Variants in MSANTD1 observed in about 807,000 individuals in gnomAD.
MSANTD1 encodes myb/SANT-like DNA-binding domain-containing protein 1.
A neutral mutation model predicts 24.2 loss-of-function variants in MSANTD1; 7 were observed. That is an observed-to-expected ratio of 0.29 (90% CI 0.16 to 0.54). The LOEUF is 0.54. Ranked by LOEUF, MSANTD1 falls within the 20% of genes least tolerant of loss-of-function variation. The pLI is 0.94. For synonymous variants in MSANTD1, 177 were observed against 181.1 expected (o/e 0.98, Z 0.18); for missense variants, 384 against 408.2 (o/e 0.94, Z 0.51).
chr4:3,253,337 C>A lies in MSANTD1; in HGVS notation c.451C>A (p.Pro151Thr). The A allele has an allele frequency of 6.2e-7, 1 of 1,610,740 alleles. No homozygotes were observed. The highest frequency in any genetic ancestry group is 8.5e-7 in the Non-Finnish European group (1 of 1,178,648). ...ACTGCCGGACAGCCAGCCGCCGGGG[C>A]CCTCCACGTCCCAGACCGAGGCGTC... ...GKLPDSQPPG[P>T]STSQTEASLS... is the part of the protein sequence containing the mutation. The change falls in exon 2 of 3, where the codon CCC becomes ACC. Residue 151 changes from proline to threonine, a missense_variant. Transcript: ENST00000438480.
chr4:3,256,273 C>T lies in MSANTD1; in HGVS notation c.*308C>T, dbSNP rs765391668. 3.6e-5 allele frequency: 9 copies of T among 251,638 alleles called. No individual in the cohort carries two copies. The highest frequency in any genetic ancestry group is 1.5e-4 in the South Asian group (1 of 6,864). 15.6% of individuals were successfully genotyped at this position (251,638 alleles called of 1,614,324 possible). ...TGTCGTTACTATCAATGATACTTGA[C>T]GTGGCTTTGATATTAAACGTATACT... On this transcript the variant is annotated 3_prime_UTR_variant, in exon 3 of 3. Transcript: ENST00000438480.
At chr4:3,255,154 G>T (rs1392782922) in intron 2 of MSANTD1, among the ~76,000 whole-genome samples, 2 of 152,124 alleles carry the variant, frequency 1.3e-5, no homozygotes, top group Admixed American at 6.5e-5. Flanking sequence ...GGTGTGGATT[G>T]TCCTGGGACC....
chr4:3,254,702 C>G (rs908381644), intron 2 of MSANTD1, among the ~76,000 whole-genome samples: 3 of 152,188 alleles, frequency 2.0e-5, no homozygotes, highest in Non-Finnish European at 2.9e-5. Context: ...CAGGAGGCGC[C>G]CACAGGGCTG....
At chr4:3,253,532 C>T in intron 2 of MSANTD1, 50 bp downstream of exon 2, 4 of 1,431,390 alleles carry the variant, frequency 2.8e-6, no homozygotes, top group Non-Finnish European at 3.7e-6. Context: ...TCAGCCCCCA[C>T]CATTTAGAGA....
upstream of MSANTD1, chr4:3,246,796 C>A: frequency 1.7e-6 from 1 of 582,932 alleles, no homozygotes; most frequent in Non-Finnish European, 3.1e-6. Flanking sequence ...AGTGTGAGGG[C>A]TCTGCCTCGG....
upstream of MSANTD1, chr4:3,248,813 G>GCCT (rs1722116396): frequency 6.0e-6 from 1 of 166,410 alleles, no homozygotes; most frequent in Non-Finnish European, 1.3e-5. Flanking sequence ...GGGGGACTCA[G>GCCT]CCTCCTCGTC....
chr4:3,245,856 G>T (rs1316768682), upstream of MSANTD1, among the ~76,000 whole-genome samples: 3 of 152,316 alleles, frequency 2.0e-5, no homozygotes, highest in East Asian at 5.8e-4. Flanking sequence ...AGGTGTCCTG[G>T]TCGGGGGTGT....
At chr4:3,253,596 C>T (rs890179676) in intron 2 of MSANTD1, 114 bp downstream of exon 2, 36 of 1,187,838 alleles carry the variant, frequency 3.0e-5, no homozygotes, top group East Asian at 5.6e-5. Flanking sequence ...TTGCAGAGGC[C>T]GTGGCTGCGG....
intron 2 of MSANTD1, among the ~76,000 whole-genome samples, chr4:3,254,493 T>G (rs1414743307): frequency 1.3e-5 from 2 of 152,214 alleles, no homozygotes; most frequent in Non-Finnish European, 2.9e-5. Context: ...GCGTGGGGGC[T>G]GCCCTCCCTG....
intron 1 of MSANTD1, among the ~76,000 whole-genome samples, chr4:3,249,900 C>T (rs1171673991): frequency 6.6e-6 from 1 of 152,098 alleles, no homozygotes; most frequent in Non-Finnish European, 1.5e-5. Flanking sequence ...CATGGTGGTG[C>T]CCACTGACCT....
upstream of MSANTD1, chr4:3,248,318 C>A (rs570306342): frequency 5.9e-5 from 9 of 152,576 alleles, no homozygotes; most frequent in African/African-American, 1.7e-4. Context: ...CCTCGAGCCC[C>A]GTCTCCGCAC....
intron 1 of MSANTD1, 50 bp from the exon 2 acceptor site, chr4:3,253,157 G>T (rs752792130): frequency 1.3e-6 from 2 of 1,487,530 alleles, no homozygotes; most frequent in Admixed American, 2.2e-5. Flanking sequence ...CAGGACAGGG[G>T]CTGGGCCAGC....
At chr4:3,253,619 G>C in intron 2 of MSANTD1, 137 bp downstream of exon 2, 2 of 899,148 alleles carry the variant, frequency 2.2e-6, no homozygotes, top group South Asian at 2.6e-5. Context: ...AGCGCCTCCA[G>C]GGACAGGCGG....
At position 3,254,101 on chromosome 4, in the gene MSANTD1, C is replaced by G. The variant is rs766006617; in HGVS notation, c.596+619C>G. On this transcript the variant is annotated intron_variant, in intron 2 of 2. Coordinates refer to ENST00000438480, the MANE Select transcript of MSANTD1 (RefSeq NM_001042690.2). ...GCAGGACAGACACCTGCGGGGTGGG[C>G]CTGGGGAGCCCAGAGAAGGTGCTTT... is the stretch of plus-strand genomic sequence containing the variant. 8.0e-4 allele frequency among the ~76,000 whole-genome samples: 122 copies of G among 152,322 alleles called. 1 individual carries two copies. The highest frequency in any genetic ancestry group is 2.7e-3 in the Admixed American group (42 of 15,308).
chr4:3,253,224 C>G lies in MSANTD1; in HGVS notation c.338C>G (p.Thr113Arg), dbSNP rs374209716. 35 of 1,566,800 alleles carry G rather than the reference C, an allele frequency of 2.2e-5. No homozygotes were observed. Among genetic ancestry groups the G allele is most frequent in the Non-Finnish European group, 2.5e-5 (29 of 1,151,472 alleles). The part of the protein sequence containing the change: ...TFQYRKLKCM[T>R]DSESAPPDWP... ...CGTTTCAGGAAATTAAAATGCATGA[C>G]AGATAGCGAGTCCGCCCCGCCCGAC... The change falls in exon 2 of 3, where the codon ACA becomes AGA. Residue 113 changes from threonine (T) to arginine (R), a missense_variant. Physicochemically the swap from Thr to Arg is moderately conservative, Grantham distance 71 (BLOSUM62 -1). Coordinates refer to ENST00000438480, the MANE Select transcript of MSANTD1 (RefSeq NM_001042690.2).
rs1430144168 is a variant in MSANTD1, at chr4:3,249,173, T to C, written c.-50T>C. The C allele has an allele frequency of 4.5e-6, 6 of 1,324,450 alleles. No homozygotes were observed. Among genetic ancestry groups the C allele is most frequent in the Non-Finnish European group, 5.8e-6 (6 of 1,038,776 alleles). The allele number at this position is 1,324,450 out of a possible 1,614,324, so 82.0% of individuals were successfully genotyped here. A position where few individuals can be genotyped will look rare whatever the true frequency, so the allele number is the denominator to read the frequency against. ...TCCTGCCTGTCAGATGTAGGCCCCATTTTGAGCGTGGAGCTGCCTTCGAGC... is the reference window on the plus strand; with the variant it reads ...TCCTGCCTGTCAGATGTAGGCCCCACTTTGAGCGTGGAGCTGCCTTCGAGC... On this transcript the variant is annotated 5_prime_UTR_variant, in exon 1 of 3. Transcript: ENST00000438480.
intron 1 of MSANTD1, among the ~76,000 whole-genome samples, chr4:3,251,483 G>A (rs1722226781): frequency 6.6e-6 from 1 of 152,118 alleles, no homozygotes; most frequent in African/African-American, 2.4e-5. Flanking sequence ...CATGGCTGAT[G>A]AAGCACTTCC....
upstream of MSANTD1, chr4:3,246,590 G>A (rs1334453599): frequency 1.3e-4 from 86 of 665,122 alleles, 2 homozygotes; most frequent in South Asian, 1.4e-3. Flanking sequence ...TCTCCCTCAG[G>A]TGCTGCTGGT....
In MSANTD1 at chr4:3,255,710, G is replaced by T. The variant is rs1048076779; in HGVS notation, c.597-15G>T. ...TCTGTGGCCAGCACGTCCACAGCCG[G>T]CACTGTCCTTCCAGGTCGGAGGAGC... On this transcript the variant is annotated splice_polypyrimidine_tract_variant and intron_variant, in intron 2 of 2. Transcript: ENST00000438480. 5.9e-6 allele frequency: 9 copies of T among 1,524,230 alleles called. No homozygotes were observed. Among genetic ancestry groups the T allele is most frequent in the African/African-American group, 1.4e-5 (1 of 72,454 alleles). 94.4% of individuals were successfully genotyped at this position (1,524,230 alleles called of 1,614,324 possible).
Sources: gnomAD v4.1 joint callset for allele counts (sites outside exome capture counted in the v4.1 genomes callset) on GRCh38, gnomAD v4.1.1 for gene constraint, MANE v1.5 for transcripts, NCBI Gene and HGNC (gene_info 2026-07-23, HGNC 2026-07-21) for gene names.